PREX1: variants seen among roughly 807,000 people sequenced by gnomAD.
PREX1 encodes the protein phosphatidylinositol-3,4,5-trisphosphate dependent Rac exchange factor 1.
PREX1 carries 41 observed loss-of-function variants against 198.3 expected under a neutral mutation model. The ratio of observed to expected loss-of-function variants is 0.21; its 90% CI spans 0.16 to 0.27. The LOEUF (loss-of-function observed/expected upper bound fraction) is 0.27, where lower values mean the gene tolerates loss of function less well. PREX1 is among the 10% of genes least tolerant of loss of function. The pLI, the probability that PREX1 is intolerant of heterozygous loss-of-function variation, is 1.00. For synonymous variants in PREX1, 843 were observed against 887.2 expected, an observed-to-expected ratio of 0.95 and a Z score of 0.89; for missense variants, 1,620 against 2,200.7, an observed-to-expected ratio of 0.74 and a Z score of 5.28.
chr20:48,674,908 A>T lies in PREX1; in HGVS notation c.1665+1285T>A, dbSNP rs145327395. On this transcript the variant is annotated intron_variant, in intron 14 of 39. Coordinates refer to ENST00000371941, the MANE Select transcript of PREX1 (RefSeq NM_020820.4). Reference sequence around the variant, plus strand: ...TGAAAGTAGTAACTTGGCCAACTCCAAACAGAGGCTGCAGTTTGGTACCAG... The same window carrying T: ...TGAAAGTAGTAACTTGGCCAACTCCTAACAGAGGCTGCAGTTTGGTACCAG... Among the ~76,000 whole-genome samples the T allele has an allele frequency of 4.0e-3, 603 of 152,304 alleles. 1 individual carries two copies. The highest frequency in any genetic ancestry group is 6.0e-3 in the Non-Finnish European group (406 of 68,032).
In PREX1 at chr20:48,730,926, G is replaced by A. The variant is rs556724538; in HGVS notation, c.519+3620C>T. On this transcript the variant is annotated intron_variant, in intron 4 of 39. Coordinates refer to ENST00000371941, the MANE Select transcript of PREX1 (RefSeq NM_020820.4). ...TGGGAGGATGGCTTGAGTCTAGGATGTCGAGGCTGCAGTGGGCCATGATCA... is the reference window on the plus strand; with the variant it reads ...TGGGAGGATGGCTTGAGTCTAGGATATCGAGGCTGCAGTGGGCCATGATCA... Among the ~76,000 whole-genome samples the A allele has an allele frequency of 2.0e-5, 3 of 152,260 alleles. No individual in the cohort carries two copies. In the East Asian group the frequency reaches 5.8e-4, roughly 29 times the overall value.
intron 1 of PREX1, among the ~76,000 whole-genome samples, chr20:48,819,034 G>A (rs1167575536): frequency 2.0e-5 from 3 of 152,190 alleles, no homozygotes. Flanking sequence ...AGCAGCCTGG[G>A]AGCAGGCAGG....
At chr20:48,655,167 A>T in intron 19 of PREX1, 123 bp downstream of exon 19, 1 of 1,062,308 alleles carries the variant, frequency 9.4e-7, no homozygotes, top group Non-Finnish European at 1.3e-6. Flanking sequence ...AGGCAAAGAA[A>T]ATAAGTGCTG....
At chr20:48,650,763 AC>A in intron 23 of PREX1, 130 bp downstream of exon 23, 11 of 1,196,334 alleles carry the variant, frequency 9.2e-6, no homozygotes, top group Non-Finnish European at 1.2e-5. Flanking sequence ...TTTCAGTAAT[AC>A]ACACCATACA....
rs974461132 is a variant in PREX1, at chr20:48,639,015, T to C, written c.3904+751A>G. Among the ~76,000 whole-genome samples, 8 of 152,130 alleles carry C rather than the reference T, an allele frequency of 5.3e-5. No homozygotes were observed. The East Asian group carries it at 5.8e-4, about 11-fold the overall frequency. ...CATTCCCCGAGGGAACAGCCCAGAGTCCTCTAATCTCCCACTGTCCTGGTC... is the reference window on the plus strand; with the variant it reads ...CATTCCCCGAGGGAACAGCCCAGAGCCCTCTAATCTCCCACTGTCCTGGTC... On this transcript the variant is annotated intron_variant, in intron 30 of 39. Transcript: ENST00000371941.
chr20:48,696,977 T>TACATACACACACACACAC lies in PREX1; in HGVS notation c.917+3775_917+3776insGTGTGTGTGTGTGTATGT, dbSNP rs111517056. 2.3e-4 allele frequency among the ~76,000 whole-genome samples: 34 copies of TACATACACACACACACAC among 148,710 alleles called. No homozygotes were observed. The South Asian group carries it at 2.6e-3, about 11-fold the overall frequency. On this transcript the variant is annotated intron_variant, in intron 7 of 39. Transcript: ENST00000371941. ...GTCAACTGCTTATTATAAATCTCTT[T>TACATACACACACACACAC]ACACACACACACACACACACACACA...
chr20:48,803,547 CA>C (rs2090396984), intron 1 of PREX1, among the ~76,000 whole-genome samples: 1 of 152,182 alleles, frequency 6.6e-6, no homozygotes, highest in East Asian at 1.9e-4. Context: ...CCAAGACCAG[CA>C]GCACCCCAAT....
the PREX1 span, among the ~76,000 whole-genome samples, chr20:48,865,227 A>G: frequency 7.4e-4 from 113 of 152,334 alleles, no homozygotes; most frequent in African/African-American, 2.5e-3. Flanking sequence ...TTACAGGAAC[A>G]CAGCCTTTGG....
chr20:48,654,303 G>C (rs981702539), intron 19 of PREX1, among the ~76,000 whole-genome samples: 1 of 152,236 alleles, frequency 6.6e-6, no homozygotes, highest in Admixed American at 6.5e-5. Context: ...ATAGCAGCTG[G>C]TTTATTCTTT....
At position 48,651,005 on chromosome 20, in the gene PREX1, C is replaced by T; in HGVS notation, c.2706G>A (p.Arg902=). 1 of 1,614,204 alleles carries T rather than the reference C, an allele frequency of 6.2e-7. No homozygotes were observed. The highest frequency in any genetic ancestry group is 1.1e-5 in the South Asian group (1 of 91,090). ...ANDSVFVENC[R]RLMALSSAIV... ...TGGCGCTGCTCAGGGCCATGAGCCG[C>T]CTGCAGTTCTCCACGAAGACGCTGT... is the stretch of plus-strand genomic sequence containing the variant. Residue 902 remains arginine, a synonymous_variant, in exon 23 of 40, where the codon AGG becomes AGA. Transcript: ENST00000371941.
chr20:48,783,374 T>TGA (rs2090298521), intron 1 of PREX1, among the ~76,000 whole-genome samples: 2 of 151,614 alleles, frequency 1.3e-5, no homozygotes, highest in East Asian at 1.9e-4. Flanking sequence ...TTAGCTGAGA[T>TGA]GAGAGAGAGA....
At chr20:48,642,100 GGGTAC>G in intron 29 of PREX1, 63 bp downstream of exon 29, 1 of 1,510,146 alleles carries the variant, frequency 6.6e-7, no homozygotes, top group South Asian at 1.1e-5. Context: ...GCATTAGCCC[GGGTAC>G]GCCGCCCTGT....
intron 1 of PREX1, among the ~76,000 whole-genome samples, chr20:48,792,318 A>C (rs989131402): frequency 6.6e-6 from 1 of 151,960 alleles, no homozygotes; most frequent in Admixed American, 6.5e-5. Context: ...TAAAAACACA[A>C]AATTAGCTGG....
intron 4 of PREX1, among the ~76,000 whole-genome samples, chr20:48,727,846 TCAATCA>T (rs1181766559): frequency 6.6e-6 from 1 of 152,184 alleles, no homozygotes; most frequent in African/African-American, 2.4e-5. Context: ...CACGTGGCTC[TCAATCA>T]CATTACAGGC....
At chr20:48,650,232 G>A (rs762806652) in intron 23 of PREX1, 26 bp from the exon 24 acceptor site, 24 of 1,576,860 alleles carry the variant, frequency 1.5e-5, no homozygotes, top group South Asian at 4.4e-5. Flanking sequence ...CCGTAAGGTC[G>A]TGAATCACAG....
intron 1 of PREX1, among the ~76,000 whole-genome samples, chr20:48,784,168 A>G (rs1415233112): frequency 6.6e-6 from 1 of 152,196 alleles, no homozygotes; most frequent in African/African-American, 2.4e-5. Context: ...AACTTTTCTG[A>G]CCATCAGAGA....
At chr20:48,810,009 G>A (rs2090427289) in intron 1 of PREX1, among the ~76,000 whole-genome samples, 1 of 152,166 alleles carries the variant, frequency 6.6e-6, no homozygotes, top group Non-Finnish European at 1.5e-5. Context: ...CTCACAAACT[G>A]GAAAACAAGT....
At chr20:48,799,735 C>G (rs2090378226) in intron 1 of PREX1, among the ~76,000 whole-genome samples, 1 of 152,134 alleles carries the variant, frequency 6.6e-6, no homozygotes, top group African/African-American at 2.4e-5. Context: ...GCCTCTGTCC[C>G]CCCACAACAG....
intron 14 of PREX1, among the ~76,000 whole-genome samples, chr20:48,668,437 G>A (rs1436013587): frequency 2.6e-5 from 4 of 152,224 alleles, no homozygotes; most frequent in Non-Finnish European, 4.4e-5. Flanking sequence ...GCCAGATTGT[G>A]TAGGAGCTTG....
Sources: allele counts gnomAD v4.1 joint callset (sites outside exome capture counted in the v4.1 genomes callset), GRCh38; gene constraint gnomAD v4.1.1; transcripts MANE v1.5; gene names NCBI Gene and HGNC (gene_info 2026-07-23, HGNC 2026-07-21).